The following USP14 variants were observed in gnomAD, a reference collection of about 807,000 sequenced individuals.
USP14 encodes the protein ubiquitin carboxyl-terminal hydrolase 14.
A neutral mutation model predicts 76.5 loss-of-function variants in USP14; 38 were observed. That is an observed-to-expected ratio of 0.50 (90% CI 0.38 to 0.65). The LOEUF is 0.65. Ranked by LOEUF, USP14 falls within the 30% of genes least tolerant of loss-of-function variation. USP14 has a pLI of 0.00. For missense variants in USP14, 467 were observed against 586.5 expected (o/e 0.80, Z 2.10); for synonymous variants, 192 against 191.7 (o/e 1.00, Z -0.01).
chr18:204,834 C>A, intron 13 of USP14, 142 bp downstream of exon 13: 2 of 883,204 alleles, frequency 2.3e-6, no homozygotes, highest in Non-Finnish European at 3.4e-6. Flanking sequence ...ATCTGTATTA[C>A]AATTAGCAGG....
chr18:170,074 G>A (rs1165467389), intron 3 of USP14, among the ~76,000 whole-genome samples: 1 of 152,082 alleles, frequency 6.6e-6, no homozygotes, highest in Non-Finnish European at 1.5e-5. Context: ...GGCTGAGGCG[G>A]GTGGATTCCT....
intron 10 of USP14, among the ~76,000 whole-genome samples, chr18:200,878 T>G (rs1910366997): frequency 6.6e-6 from 1 of 152,186 alleles, no homozygotes; most frequent in African/African-American, 2.4e-5. Context: ...CTCGGCTCAC[T>G]GCAACCTCTG....
intron 1 of USP14, among the ~76,000 whole-genome samples, chr18:161,845 C>T (rs923803104): frequency 7.2e-5 from 11 of 152,100 alleles, no homozygotes; most frequent in Admixed American, 2.6e-4. Flanking sequence ...TTTTATGAGG[C>T]TGATTGAAAT....
intron 5 of USP14, among the ~76,000 whole-genome samples, chr18:189,132 T>C (rs906458982): frequency 6.6e-6 from 1 of 152,242 alleles, no homozygotes; most frequent in East Asian, 1.9e-4. Flanking sequence ...TTATTTCTTA[T>C]TTGTTATATT....
intron 12 of USP14, among the ~76,000 whole-genome samples, chr18:203,758 C>T (rs147838874): frequency 0.024 from 3,683 of 152,070 alleles, 144 homozygotes; most frequent in African/African-American, 0.083. Context: ...TACAGGCGCC[C>T]GCCACCGTGC....
intron 8 of USP14, 135 bp from the exon 9 acceptor site, chr18:197,912 G>C: frequency 1.3e-6 from 1 of 792,968 alleles, no homozygotes; most frequent in Non-Finnish European, 1.9e-6. Context: ...GTTGATTTTT[G>C]GTAATGTTTT....
rs761515952 is a variant in USP14, at chr18:202,867, T to C, written c.877-13T>C. The C allele has an allele frequency of 1.2e-5, 20 of 1,613,858 alleles. No individual in the cohort carries two copies. Among genetic ancestry groups the C allele is most frequent in the Middle Eastern group, 3.3e-4 (2 of 6,080 alleles). ...AAAACTAATGTTTGGTCTTCTGTTATGTTCTTTCTTAGCGACTTCAGGAAG... is the reference window on the plus strand; with the variant it reads ...AAAACTAATGTTTGGTCTTCTGTTACGTTCTTTCTTAGCGACTTCAGGAAG... On this transcript the variant is annotated splice_polypyrimidine_tract_variant and intron_variant, in intron 10 of 15. Coordinates refer to ENST00000261601, the MANE Select transcript of USP14 (RefSeq NM_005151.4).
At chr18:211,058 G>T in intron 15 of USP14, 75 bp from the exon 16 acceptor site, 1 of 1,495,234 alleles carries the variant, frequency 6.7e-7, no homozygotes. Flanking sequence ...CCGATGACTT[G>T]ATACTTTTTT....
intron 5 of USP14, among the ~76,000 whole-genome samples, chr18:191,032 A>G: frequency 6.6e-6 from 1 of 152,174 alleles, no homozygotes. Context: ...TTACATATTC[A>G]TGTTACCCTA....
chr18:192,774 G>T (rs1331335368), intron 5 of USP14, 68 bp from the exon 6 acceptor site: 21 of 1,494,504 alleles, frequency 1.4e-5, no homozygotes, highest in Non-Finnish European at 1.8e-5. Context: ...CCTTTTAACT[G>T]GTTTCTTCCC....
At chr18:167,579 C>T (rs567304252) in intron 3 of USP14, among the ~76,000 whole-genome samples, 5 of 152,030 alleles carry the variant, frequency 3.3e-5, no homozygotes, top group African/African-American at 9.7e-5. Context: ...GGTCATGGCT[C>T]GCTGCAGCTT....
At chr18:191,559 C>T (rs1910088583) in intron 5 of USP14, among the ~76,000 whole-genome samples, 1 of 152,116 alleles carries the variant, frequency 6.6e-6, no homozygotes, top group Non-Finnish European at 1.5e-5. Flanking sequence ...ATTTCTTGGG[C>T]ATGCCTTTTC....
rs1415591049 is a variant in USP14, at chr18:197,152, G to T, written c.594+385G>T. Among the ~76,000 whole-genome samples, 5 of 152,256 alleles carry T rather than the reference G, an allele frequency of 3.3e-5. No individual in the cohort carries two copies. The East Asian group carries it at 9.7e-4, about 29-fold the overall frequency. ...ACAGGCTTCCTTAAACCTTTCAAGT[G>T]CCCTCTTCCTGCAGGGCCTTTGCTC... On this transcript the variant is annotated intron_variant, in intron 7 of 15. Transcript: ENST00000261601.
rs1047606843 is a variant in USP14 at position 210,589 on chromosome 18, G to C, written c.1333+96G>C. The stretch of plus-strand genomic sequence containing the variant: ...TGTGGTTTTCAAACTTTGGGTCTCA[G>C]AACCACTTTACATTCTTGAAGCCCC... On this transcript the variant is annotated intron_variant, in intron 15 of 15. Transcript: ENST00000261601. 9 of 808,072 alleles carry C rather than the reference G, an allele frequency of 1.1e-5. No individual in the cohort carries two copies. The Admixed American group carries it at 1.2e-4, about 11-fold the overall frequency. 50.1% of individuals were successfully genotyped at this position (808,072 alleles called of 1,614,324 possible).
chr18:198,373 T>TA (rs1910298626), intron 9 of USP14, among the ~76,000 whole-genome samples: 1 of 152,200 alleles, frequency 6.6e-6, no homozygotes, highest in Non-Finnish European at 1.5e-5. Flanking sequence ...TAGCTGGGAT[T>TA]ACAGGTGCAT....
intron 14 of USP14, 117 bp from the exon 15 acceptor site, chr18:210,269 T>G (rs1910634760): frequency 1.3e-6 from 1 of 789,198 alleles, no homozygotes; most frequent in Non-Finnish European, 2.0e-6. Flanking sequence ...AGTAGTATCT[T>G]ATTGGATTCT....
chr18:194,839 G>A (rs764623469), intron 6 of USP14, among the ~76,000 whole-genome samples: 6 of 152,168 alleles, frequency 3.9e-5, no homozygotes, highest in South Asian at 2.1e-4. Context: ...GCTGAGGCAC[G>A]AGAATCGCTT....
chr18:188,906 T>C (rs1303267744), intron 5 of USP14, among the ~76,000 whole-genome samples: 1 of 152,236 alleles, frequency 6.6e-6, no homozygotes, highest in Non-Finnish European at 1.5e-5. Flanking sequence ...CTTGAACTCC[T>C]GACCTCAGGT....
intron 5 of USP14, among the ~76,000 whole-genome samples, chr18:183,748 T>C (rs1301821265): frequency 7.1e-6 from 1 of 141,148 alleles, no homozygotes; most frequent in Non-Finnish European, 1.6e-5. Context: ...TATTTAAAGG[T>C]TTTTTTTTTT....
Sources: allele counts gnomAD v4.1 joint callset (sites outside exome capture counted in the v4.1 genomes callset), GRCh38; gene constraint gnomAD v4.1.1; transcripts MANE v1.5; gene names NCBI Gene and HGNC (gene_info 2026-07-23, HGNC 2026-07-21).